Variants in STPG2 observed in about 807,000 individuals in gnomAD.
STPG2 encodes sperm-tail PG-rich repeat-containing protein 2.
STPG2 carries 56 observed loss-of-function variants against 54.2 expected under a neutral mutation model. The ratio of observed to expected loss-of-function variants is 1.03; its 90% CI spans 0.83 to 1.29. The LOEUF is 1.29. STPG2 is among the 50% of genes most tolerant of loss of function. The pLI is 0.00. For synonymous variants in STPG2, 200 were observed against 181.8 expected, an observed-to-expected ratio of 1.10 and a Z score of -0.81; for missense variants, 596 against 544.9, an observed-to-expected ratio of 1.09 and a Z score of -0.93.
intron 5 of STPG2, among the ~76,000 whole-genome samples, chr4:98,040,139 T>C (rs896603741): frequency 1.4e-4 from 22 of 151,980 alleles, no homozygotes; most frequent in Non-Finnish European, 3.1e-4. Context: ...AAAATGTCTC[T>C]TTATGCCCTT....
chr4:98,107,962 C>A (rs564781848), intron 4 of STPG2, among the ~76,000 whole-genome samples: 1 of 152,034 alleles, frequency 6.6e-6, no homozygotes, highest in Non-Finnish European at 1.5e-5. Flanking sequence ...GCTAAATATG[C>A]ATGTTAAGGT....
chr4:97,685,799 G>C (rs995629754), intron 10 of STPG2, among the ~76,000 whole-genome samples: 1 of 152,194 alleles, frequency 6.6e-6, no homozygotes, highest in Non-Finnish European at 1.5e-5. Context: ...CTAATATGAA[G>C]ACTGTGCTTT....
intron 3 of STPG2, among the ~76,000 whole-genome samples, chr4:98,116,669 C>T (rs7664340): frequency 0.39 from 59,359 of 151,620 alleles, 11,854 homozygotes; most frequent in Middle Eastern, 0.45. Context: ...GATTAATTGT[C>T]ACATTGTTAT....
At chr4:97,947,274 A>C (rs1036121909) in intron 7 of STPG2, among the ~76,000 whole-genome samples, 4 of 151,892 alleles carry the variant, frequency 2.6e-5, no homozygotes, top group Admixed American at 2.6e-4. Flanking sequence ...ATCTAATCTT[A>C]TCTCTAGGCT....
intron 4 of STPG2, among the ~76,000 whole-genome samples, chr4:97,489,161 G>A (rs1730443573): frequency 6.6e-6 from 1 of 151,664 alleles, no homozygotes; most frequent in African/African-American, 2.4e-5. Context: ...TGTAAAACGT[G>A]ACTTGAACCT....
chr4:98,095,391 T>G (rs745716482), intron 5 of STPG2, among the ~76,000 whole-genome samples: 3 of 152,122 alleles, frequency 2.0e-5, no homozygotes, highest in East Asian at 1.9e-4. Flanking sequence ...TGAACAGATG[T>G]TTTCAAAGAC....
intron 8 of STPG2, among the ~76,000 whole-genome samples, chr4:97,921,751 T>A (rs1179962839): frequency 1.3e-5 from 2 of 151,566 alleles, no homozygotes; most frequent in Admixed American, 1.3e-4. Context: ...AGATCTGGAG[T>A]AGAAAATGAA....
At chr4:97,997,511 T>A (rs1447183007) in intron 5 of STPG2, among the ~76,000 whole-genome samples, 1 of 152,180 alleles carries the variant, frequency 6.6e-6, no homozygotes, top group Non-Finnish European at 1.5e-5. Flanking sequence ...GCTAAACTAT[T>A]CACGAGAAAT....
chr4:97,923,491 T>C (rs1446671359), intron 8 of STPG2, among the ~76,000 whole-genome samples: 1 of 152,248 alleles, frequency 6.6e-6, no homozygotes, highest in Non-Finnish European at 1.5e-5. Flanking sequence ...CTCCTGAGTC[T>C]AGTGGGGACT....
intron 4 of STPG2, among the ~76,000 whole-genome samples, chr4:97,477,677 A>C (rs1560625256): frequency 6.7e-6 from 1 of 150,028 alleles, no homozygotes; most frequent in Non-Finnish European, 1.5e-5. Context: ...TTTTTAGTAG[A>C]GATGGGGTTT....
chr4:97,999,254 A>T (rs986666328), intron 5 of STPG2, among the ~76,000 whole-genome samples: 1 of 152,218 alleles, frequency 6.6e-6, no homozygotes, highest in Non-Finnish European at 1.5e-5. Context: ...TTATTTCAAA[A>T]ACAACATAGC....
At chr4:97,750,617 G>C (rs1268340440) in intron 9 of STPG2, among the ~76,000 whole-genome samples, 1 of 151,572 alleles carries the variant, frequency 6.6e-6, no homozygotes, top group African/African-American at 2.4e-5. Context: ...TAACAAGAAA[G>C]ATAAAAAGTG....
At chr4:97,676,168 G>C (rs2148973938) in intron 10 of STPG2, among the ~76,000 whole-genome samples, 1 of 150,138 alleles carries the variant, frequency 6.7e-6, no homozygotes, top group Admixed American at 6.7e-5. Flanking sequence ...TTGATACATG[G>C]AGTTTTCTGC....
chr4:97,886,953 C>T (rs1730594335), intron 8 of STPG2, among the ~76,000 whole-genome samples: 1 of 152,180 alleles, frequency 6.6e-6, no homozygotes, highest in African/African-American at 2.4e-5. Context: ...TCCTGCTACA[C>T]CACATAAGGT....
At chr4:97,453,008 G>A (rs1310389317) in intron 4 of STPG2, among the ~76,000 whole-genome samples, 1 of 152,226 alleles carries the variant, frequency 6.6e-6, no homozygotes, top group East Asian at 1.9e-4. Flanking sequence ...GAATGGTGGA[G>A]TTAAAAGAGC....
chr4:97,547,025 A>C (rs1560654022), intron 4 of STPG2, among the ~76,000 whole-genome samples: 1 of 152,106 alleles, frequency 6.6e-6, no homozygotes, highest in African/African-American at 2.4e-5. Context: ...TAAAAAAAAT[A>C]TTTTTCAAGT....
At chr4:97,890,162 G>C (rs1308599252) in intron 8 of STPG2, among the ~76,000 whole-genome samples, 1 of 151,972 alleles carries the variant, frequency 6.6e-6, no homozygotes, top group Non-Finnish European at 1.5e-5. Flanking sequence ...TGATAATCCT[G>C]AATGTTTCCC....
intron 5 of STPG2, among the ~76,000 whole-genome samples, chr4:97,996,509 A>G (rs1373955956): frequency 6.6e-6 from 1 of 152,238 alleles, no homozygotes; most frequent in African/African-American, 2.4e-5. Context: ...AATTCCTGAA[A>G]GATAACTCAG....
At chr4:97,520,856 G>A (rs760496222) in intron 4 of STPG2, among the ~76,000 whole-genome samples, 17 of 152,038 alleles carry the variant, frequency 1.1e-4, no homozygotes, top group Non-Finnish European at 1.6e-4. Flanking sequence ...AAGGGTAAAT[G>A]TATTTTCAAA....
Sources: gnomAD v4.1 joint callset for allele counts (sites outside exome capture counted in the v4.1 genomes callset) on GRCh38, gnomAD v4.1.1 for gene constraint, MANE v1.5 for transcripts, NCBI Gene and HGNC (gene_info 2026-07-23, HGNC 2026-07-21) for gene names.